The following SCN1A variants were observed in gnomAD, a reference collection of about 807,000 sequenced individuals.
The protein encoded by SCN1A is sodium voltage-gated channel alpha subunit 1.
A neutral mutation model predicts 193.7 loss-of-function variants in SCN1A; 13 were observed. The observed-to-expected ratio is 0.07, with a 90% CI of 0.04 to 0.11. The LOEUF (loss-of-function observed/expected upper bound fraction) is 0.11, where lower values mean the gene tolerates loss of function less well. SCN1A is among the 10% of genes least tolerant of loss of function. The probability of loss-of-function intolerance (pLI) is 1.00; values close to 1 mark genes in which losing one functional copy is unlikely to be tolerated. For missense variants in SCN1A, 1,432 were observed against 2,451.1 expected (o/e 0.58, Z 8.78); for synonymous variants, 781 against 843.6 (o/e 0.93, Z 1.29).
At chr2:166,132,758 A>G (rs1691710191), upstream of SCN1A, among the ~76,000 whole-genome samples, 1 of 152,160 alleles carries the variant, frequency 6.6e-6, no homozygotes, top group Non-Finnish European at 1.5e-5. Flanking sequence ...AAGTCCATAC[A>G]TTCCATAAAT....
At chr2:166,119,029 T>G (rs1690233029) in intron 2 of SCN1A, among the ~76,000 whole-genome samples, 1 of 152,146 alleles carries the variant, frequency 6.6e-6, no homozygotes, top group African/African-American at 2.4e-5. Context: ...CATGCACAGT[T>G]CACAATAGGG....
upstream of SCN1A, among the ~76,000 whole-genome samples, chr2:166,130,292 A>C (rs1386862917): frequency 6.6e-6 from 1 of 152,188 alleles, no homozygotes; most frequent in Non-Finnish European, 1.5e-5. Context: ...TTCTTCATGC[A>C]CCTGATATAT....
At chr2:166,004,982 T>C (rs1691449031) in intron 23 of SCN1A, among the ~76,000 whole-genome samples, 1 of 151,396 alleles carries the variant, frequency 6.6e-6, no homozygotes, top group African/African-American at 2.4e-5. Flanking sequence ...TCATTTGGCA[T>C]ATGAGAAAAA....
At chr2:166,128,796 T>C (rs1196973131), upstream of SCN1A, among the ~76,000 whole-genome samples, 1 of 152,144 alleles carries the variant, frequency 6.6e-6, no homozygotes, top group African/African-American at 2.4e-5. Flanking sequence ...AATTGCCTAT[T>C]ACCCAAAGAT....
chr2:166,059,728 T>C (rs559504895), intron 4 of SCN1A, among the ~76,000 whole-genome samples: 36 of 152,336 alleles, frequency 2.4e-4, no homozygotes, highest in African/African-American at 8.4e-4. Flanking sequence ...CATGTTATGA[T>C]ACAGCAAGCA....
At chr2:166,043,130 G>C (rs1283462687) in intron 14 of SCN1A, among the ~76,000 whole-genome samples, 1 of 152,178 alleles carries the variant, frequency 6.6e-6, no homozygotes, top group Non-Finnish European at 1.5e-5. Flanking sequence ...TTATCTGTCT[G>C]TATTAATAAT....
chr2:166,010,496 A>AT (rs1429042683), intron 22 of SCN1A, among the ~76,000 whole-genome samples: 1 of 151,274 alleles, frequency 6.6e-6, no homozygotes, highest in Non-Finnish European at 1.5e-5. Flanking sequence ...ATCAATGAAT[A>AT]TTTACCAAAT....
intron 3 of SCN1A, chr2:166,075,462 A>G (rs1264911920): frequency 6.6e-6 from 1 of 152,008 alleles, no homozygotes; most frequent in Non-Finnish European, 1.5e-5. Context: ...TTTTACTTAA[A>G]ATGTATATTA....
intron 2 of SCN1A, among the ~76,000 whole-genome samples, chr2:166,079,564 T>G (rs982902298): frequency 2.0e-5 from 3 of 150,640 alleles, no homozygotes; most frequent in Non-Finnish European, 4.5e-5. Flanking sequence ...ATTACGACAA[T>G]CACCGTCTTT....
At chr2:166,101,510 TA>T (rs35742053) in intron 2 of SCN1A, among the ~76,000 whole-genome samples, 110,367 of 143,550 alleles carry the variant, frequency 0.77, 43,058 homozygotes, top group Non-Finnish European at 0.85. Context: ...AAAGTATAAT[TA>T]AAAAAAAAAA....
At chr2:166,039,337 T>A in intron 17 of SCN1A, 86 bp downstream of exon 17, 1 of 1,381,624 alleles carries the variant, frequency 7.2e-7, no homozygotes, top group Non-Finnish European at 1.0e-6. Flanking sequence ...AATGGTTGTG[T>A]GGCAAAAAAA....
chr2:166,130,700 T>C (rs1157628822), upstream of SCN1A, among the ~76,000 whole-genome samples: 1 of 152,164 alleles, frequency 6.6e-6, no homozygotes, highest in African/African-American at 2.4e-5. Flanking sequence ...TCATACAGAC[T>C]CCTAGAAAAG....
chr2:166,054,838 C>G, intron 6 of SCN1A, 72 bp from the exon 7 acceptor site: 1 of 1,378,978 alleles, frequency 7.3e-7, no homozygotes, highest in Non-Finnish European at 1.0e-6. Context: ...TCTTATCACT[C>G]CATCAGTGGA....
chr2:166,043,551 A>T (rs1414600033), intron 14 of SCN1A, 118 bp downstream of exon 14: 4 of 1,075,174 alleles, frequency 3.7e-6, no homozygotes, highest in Non-Finnish European at 3.9e-6. Context: ...TACAAGATGC[A>T]GGTGCATTCA....
At position 166,108,259 on chromosome 2, in the gene SCN1A, G is replaced by A. The variant is rs544234236; in HGVS notation, c.-142+18665C>T. Among the ~76,000 whole-genome samples the A allele has an allele frequency of 8.6e-5, 13 of 151,950 alleles. No homozygotes were observed. The South Asian group carries it at 1.0e-3, about 12-fold the overall frequency. On this transcript the variant is annotated intron_variant, in intron 2 of 28. Coordinates refer to ENST00000674923, the MANE Select transcript of SCN1A (RefSeq NM_001165963.4). ...AATAAAAAACCCAATGAGACATCAC[G>A]TCACACACACTGGAATGACTATAAT...
At chr2:166,015,774 AT>A in intron 19 of SCN1A, 47 bp from the exon 20 acceptor site, 1 of 1,608,740 alleles carries the variant, frequency 6.2e-7, no homozygotes, top group Non-Finnish European at 8.5e-7. Context: ...AATTTTGGTA[AT>A]AAGTTGCCTG....
At chr2:166,108,688 A>C (rs2106183855) in intron 2 of SCN1A, among the ~76,000 whole-genome samples, 1 of 152,290 alleles carries the variant, frequency 6.6e-6, no homozygotes, top group African/African-American at 2.4e-5. Context: ...TATTATGTTA[A>C]GTGAAAGAAG....
At chr2:166,014,651 A>G in intron 20 of SCN1A, among the ~76,000 whole-genome samples, 1 of 150,780 alleles carries the variant, frequency 6.6e-6, no homozygotes, top group East Asian at 1.9e-4. Flanking sequence ...GCAAAAAAAA[A>G]AAAAAGGAGG....
chr2:165,996,545 A>C (rs1690090195), intron 26 of SCN1A, among the ~76,000 whole-genome samples: 1 of 151,500 alleles, frequency 6.6e-6, no homozygotes, highest in South Asian at 2.1e-4. Context: ...GTTTGGAGTT[A>C]CTCATTAAAA....
Sources: allele counts gnomAD v4.1 joint callset (sites outside exome capture counted in the v4.1 genomes callset), GRCh38; gene constraint gnomAD v4.1.1; transcripts MANE v1.5; gene names NCBI Gene and HGNC (gene_info 2026-07-23, HGNC 2026-07-21).